LAMC2: variants seen among roughly 807,000 people sequenced by gnomAD.
LAMC2 encodes the protein laminin subunit gamma 2.
In LAMC2, 97 loss-of-function variants were observed where a neutral mutation model predicts 140.2. The observed-to-expected ratio is 0.69, with a 90% CI of 0.59 to 0.82. LAMC2 has a LOEUF of 0.82. LAMC2 is among the 40% of genes least tolerant of loss of function. The pLI is 0.00. For missense variants in LAMC2, 1,402 were observed against 1,476.1 expected, an observed-to-expected ratio of 0.95 and a Z score of 0.82; for synonymous variants, 513 against 540.2, an observed-to-expected ratio of 0.95 and a Z score of 0.70.
At chr1:183,217,939 T>G (rs1018708481) in intron 3 of LAMC2, among the ~76,000 whole-genome samples, 3 of 152,168 alleles carry the variant, frequency 2.0e-5, no homozygotes, top group Non-Finnish European at 4.4e-5. Context: ...AATTGAGGAA[T>G]TACCAACAGA....
chr1:183,258,493 TTAG>T, the LAMC2 span, among the ~76,000 whole-genome samples: 3 of 152,002 alleles, frequency 2.0e-5, no homozygotes, highest in Admixed American at 6.5e-5. Context: ...CAGGAGAAAC[TTAG>T]TTTATAGTTT....
intron 9 of LAMC2, among the ~76,000 whole-genome samples, chr1:183,227,175 G>C (rs932246537): frequency 6.6e-6 from 1 of 152,304 alleles, no homozygotes; most frequent in African/African-American, 2.4e-5. Context: ...AGTTGGTGTC[G>C]AGTTCCAAGA....
chr1:183,211,326 G>A (rs951339887), intron 2 of LAMC2, among the ~76,000 whole-genome samples: 1 of 152,060 alleles, frequency 6.6e-6, no homozygotes, highest in African/African-American at 2.4e-5. Context: ...ATGTGATATT[G>A]GACTTACTCT....
intron 11 of LAMC2, among the ~76,000 whole-genome samples, chr1:183,230,564 G>T (rs1476812273): frequency 6.6e-6 from 1 of 152,130 alleles, no homozygotes; most frequent in Admixed American, 6.5e-5. Context: ...CCATTTACTT[G>T]CCATGTAACC....
chr1:183,200,542 G>A (rs921306521), intron 1 of LAMC2, among the ~76,000 whole-genome samples: 1 of 152,164 alleles, frequency 6.6e-6, no homozygotes, highest in African/African-American at 2.4e-5. Flanking sequence ...TGCTACTACT[G>A]ATGATGATTA....
intron 1 of LAMC2, among the ~76,000 whole-genome samples, chr1:183,202,503 T>C (rs895367319): frequency 1.1e-4 from 17 of 152,258 alleles, no homozygotes; most frequent in Admixed American, 9.2e-4. Context: ...AAATCTGCAA[T>C]AAAGTGATAC....
chr1:183,212,588 C>T (rs1659106999), intron 2 of LAMC2, among the ~76,000 whole-genome samples: 1 of 152,194 alleles, frequency 6.6e-6, no homozygotes. Flanking sequence ...CCCCTCCTCT[C>T]TCCATCTACT....
chr1:183,236,496 AAGGG>A lies in LAMC2; in HGVS notation c.2497_2500del (p.Glu833ProfsTer52). On this transcript the variant is annotated frameshift_variant, in exon 17 of 23. Coordinates refer to ENST00000264144, the MANE Select transcript of LAMC2 (RefSeq NM_005562.3). LOFTEE classifies it high-confidence loss of function. ...CCAAGTCCCTGGCCCAGCAGTTGAC[AAGGG>A]AGGCCACTCAAGCGGAAATTGAAGC... 6.2e-7 allele frequency: 1 copy of A among 1,613,774 alleles called. No homozygotes were observed.
intron 1 of LAMC2, among the ~76,000 whole-genome samples, chr1:183,199,766 C>T (rs1255237068): frequency 6.6e-6 from 1 of 152,048 alleles, no homozygotes; most frequent in Non-Finnish European, 1.5e-5. Flanking sequence ...GATTTATGCA[C>T]CTAAAAAGAA....
chr1:183,245,769 A>T (rs1211891477), downstream of LAMC2, among the ~76,000 whole-genome samples: 4 of 152,254 alleles, frequency 2.6e-5, no homozygotes, highest in Admixed American at 6.5e-5. Flanking sequence ...TTCCAAGTGT[A>T]AGATTAGACA....
intron 1 of LAMC2, among the ~76,000 whole-genome samples, chr1:183,193,980 A>C (rs1014764191): frequency 6.6e-6 from 1 of 152,200 alleles, no homozygotes; most frequent in Non-Finnish European, 1.5e-5. Flanking sequence ...TCTCTCACCC[A>C]GGCTGGAGTG....
chr1:183,255,555 G>C, the LAMC2 span, among the ~76,000 whole-genome samples: 1 of 151,760 alleles, frequency 6.6e-6, no homozygotes. Flanking sequence ...CCATGAGCAT[G>C]AAATACTTTT....
Position 183,223,251 on chromosome 1 carries a change from C to T in LAMC2, c.880C>T (p.Leu294=), listed in dbSNP as rs144572936. ...TGATGTGATTCTGGAAGGTGCTGGT[C>T]TACGGATCACAGCTCCCTTGATGCC... ...AHDVILEGAG[L]RITAPLMPLG... Residue 294 remains leucine (L), a synonymous_variant, in exon 7 of 23, where the codon CTA becomes TTA. Coordinates refer to ENST00000264144, the MANE Select transcript of LAMC2 (RefSeq NM_005562.3). 3.6e-3 allele frequency: 5,795 copies of T among 1,614,180 alleles called. 24 individuals carry two copies. Among genetic ancestry groups the T allele is most frequent in the Middle Eastern group, 0.02 (122 of 6,058 alleles).
chr1:183,201,691 C>T (rs112012450), intron 1 of LAMC2, among the ~76,000 whole-genome samples: 5,920 of 152,334 alleles, frequency 0.039, 153 homozygotes, highest in South Asian at 0.11. Flanking sequence ...AGGTGGATCA[C>T]TTGAGGTCAG....
intron 20 of LAMC2, 171 bp from the exon 21 acceptor site, chr1:183,239,869 G>T (rs187513422): frequency 9.0e-6 from 7 of 777,558 alleles, no homozygotes; most frequent in Non-Finnish European, 2.2e-6. Context: ...GCTTGTTTGA[G>T]GCAGAGCTTG....
intron 1 of LAMC2, among the ~76,000 whole-genome samples, chr1:183,201,374 A>T (rs190853518): frequency 2.6e-4 from 40 of 152,138 alleles, no homozygotes; most frequent in African/African-American, 9.6e-4. Context: ...CCAACACACA[A>T]ATCCTTGCAT....
chr1:183,253,904 C>CGTGT, the LAMC2 span, among the ~76,000 whole-genome samples: 2,962 of 144,320 alleles, frequency 0.021, 41 homozygotes, highest in African/African-American at 0.034. Context: ...GTTCCACTTC[C>CGTGT]GTGTGTGTGT....
the LAMC2 span, among the ~76,000 whole-genome samples, chr1:183,258,877 C>CT: frequency 6.6e-6 from 1 of 152,186 alleles, no homozygotes; most frequent in African/African-American, 2.4e-5. Flanking sequence ...GGCTCACTGG[C>CT]TTCCCCAACC....
chr1:183,242,075 C>T (rs1183321262), intron 22 of LAMC2, among the ~76,000 whole-genome samples: 1 of 152,078 alleles, frequency 6.6e-6, no homozygotes, highest in African/African-American at 2.4e-5. Context: ...TAATAATGCC[C>T]CACAGGTCAT....
Sources: gnomAD v4.1 joint callset for allele counts (sites outside exome capture counted in the v4.1 genomes callset) on GRCh38, gnomAD v4.1.1 for gene constraint, MANE v1.5 for transcripts, NCBI Gene and HGNC (gene_info 2026-07-23, HGNC 2026-07-21) for gene names.